Variants in MXD4 observed in about 807,000 individuals in gnomAD.
MXD4 encodes the protein MAX dimerization protein 4, also known as Mad4 homolog.
MXD4 carries 16 observed loss-of-function variants against 24.5 expected under a neutral mutation model. That is an observed-to-expected ratio of 0.65 (90% CI 0.44 to 0.99). The LOEUF is 0.99. Ranked by LOEUF, MXD4 falls within the 50% of genes least tolerant of loss-of-function variation. MXD4 has a pLI of 0.00. For missense variants in MXD4, 301 were observed against 301.5 expected (o/e 1.00, Z 0.01); for synonymous variants, 164 against 134.2 (o/e 1.22, Z -1.54).
intron 5 of MXD4, among the ~76,000 whole-genome samples, 182 bp downstream of exon 5, chr4:2,250,902 C>A (rs1432354868): frequency 6.6e-6 from 1 of 152,176 alleles, no homozygotes; most frequent in Non-Finnish European, 1.5e-5. Context: ...CACACAGCCT[C>A]TGCATCCCAC....
intron 4 of MXD4, 116 bp downstream of exon 4, chr4:2,252,292 A>G: frequency 1.2e-6 from 1 of 825,338 alleles, no homozygotes; most frequent in Non-Finnish European, 2.0e-6. Context: ...CTCCCCACCC[A>G]TCTTCAGGCC....
chr4:2,258,421 C>T (rs1735474584), intron 2 of MXD4, among the ~76,000 whole-genome samples: 1 of 152,174 alleles, frequency 6.6e-6, no homozygotes, highest in Non-Finnish European at 1.5e-5. Flanking sequence ...ACAGGAGGAC[C>T]TAGGCCCCCT....
intron 2 of MXD4, among the ~76,000 whole-genome samples, chr4:2,261,052 C>A (rs1735530831): frequency 1.3e-5 from 2 of 152,216 alleles, no homozygotes; most frequent in South Asian, 4.1e-4. Flanking sequence ...GGGGCCCCTG[C>A]CCTGCAGCCT....
chr4:2,255,528 A>G (rs1286770768), intron 3 of MXD4, among the ~76,000 whole-genome samples: 1 of 152,086 alleles, frequency 6.6e-6, no homozygotes, highest in East Asian at 1.9e-4. Context: ...GCGGGACCCC[A>G]GGAAGATCCC....
rs1488880359 is a variant in MXD4, at chr4:2,262,042, G to C, written c.-62C>G. ...GGCCGCTGCCCGGCCCGCTCCGGCC[G>C]GCTCCGCTCGCCGCCCACCCCGCGC... On this transcript the variant is annotated 5_prime_UTR_variant, in exon 1 of 6. Coordinates refer to ENST00000337190, the MANE Select transcript of MXD4 (RefSeq NM_006454.3). 1.1e-6 allele frequency: 1 copy of C among 939,266 alleles called. No individual in the cohort carries two copies. The highest frequency in any genetic ancestry group is 1.3e-6 in the Non-Finnish European group (1 of 782,410). The allele number at this position is 939,266 out of a possible 1,614,324, so 58.2% of individuals were successfully genotyped here.
chr4:2,256,392 C>G (rs769242026), intron 3 of MXD4, among the ~76,000 whole-genome samples: 1 of 152,190 alleles, frequency 6.6e-6, no homozygotes, highest in Non-Finnish European at 1.5e-5. Context: ...AGTAAGGGGA[C>G]AACTCCGGGC....
intron 3 of MXD4, among the ~76,000 whole-genome samples, chr4:2,256,577 C>T (rs1735435161): frequency 6.6e-6 from 1 of 152,166 alleles, no homozygotes; most frequent in African/African-American, 2.4e-5. Context: ...CTGTCCACAT[C>T]CGCCTCTTGG....
In MXD4 at chr4:2,249,807, A is replaced by G. The variant is rs1159122254; in HGVS notation, c.*737T>C. On this transcript the variant is annotated 3_prime_UTR_variant, in exon 6 of 6. Coordinates refer to ENST00000337190, the MANE Select transcript of MXD4 (RefSeq NM_006454.3). The stretch of plus-strand genomic sequence containing the variant: ...CCCTGAAGGCCATCATCCCCAGAAC[A>G]TGTGACCTCGGGACGCCCAGGTGTG... The G allele has an allele frequency of 6.6e-6, 1 of 152,396 alleles. No individual in the cohort carries two copies. The highest frequency in any genetic ancestry group is 2.4e-5 in the African/African-American group (1 of 41,418). The allele number at this position is 152,396 out of a possible 1,614,324, so 9.4% of individuals were successfully genotyped here. A position where few individuals can be genotyped will look rare whatever the true frequency, so the allele number is the denominator to read the frequency against.
Position 2,260,173 on chromosome 4 carries a change from T to A in MXD4, c.164+1552A>T, listed in dbSNP as rs777902702. ...CTCGGCCCAGAGGAGCCAGGGGAGA[T>A]GCACCAGAGTTGGGGAGCCCTCTGT... On this transcript the variant is annotated intron_variant, in intron 2 of 5. Transcript: ENST00000337190. 2.0e-5 allele frequency among the ~76,000 whole-genome samples: 3 copies of A among 152,286 alleles called. No individual in the cohort carries two copies. In the South Asian group the frequency reaches 6.2e-4, roughly 32 times the overall value.
At chr4:2,258,298 G>A (rs1164189166) in intron 2 of MXD4, among the ~76,000 whole-genome samples, 3 of 152,206 alleles carry the variant, frequency 2.0e-5, no homozygotes, top group Non-Finnish European at 2.9e-5. Context: ...TTGGTTTGGT[G>A]AGAAGCAGCA....
In MXD4 at chr4:2,251,393, G is replaced by T. The variant is rs540878577; in HGVS notation, c.310-147C>A. ...AAGGCTACAGGCCACAGGGTGCCCA[G>T]TCTCTGCCAGCCCCACAGCCTGAGG... On this transcript the variant is annotated intron_variant, in intron 4 of 5. Coordinates refer to ENST00000337190, the MANE Select transcript of MXD4 (RefSeq NM_006454.3). 7.7e-5 allele frequency: 79 copies of T among 1,023,938 alleles called. No homozygotes were observed. In the African/African-American group the frequency reaches 1.1e-3, roughly 14 times the overall value. 63.4% of individuals were successfully genotyped at this position (1,023,938 alleles called of 1,614,324 possible).
At chr4:2,255,839 CCGAGAGGGCAT>C (rs1334405116) in intron 3 of MXD4, among the ~76,000 whole-genome samples, 1 of 152,210 alleles carries the variant, frequency 6.6e-6, no homozygotes, top group Admixed American at 6.5e-5. Context: ...ACCCAGGGCA[CCGAGAGGGCAT>C]GGCTCCACGC....
rs924238631 is a variant in MXD4, at chr4:2,258,904, G to A, written c.165-893C>T. On this transcript the variant is annotated intron_variant, in intron 2 of 5. Transcript: ENST00000337190. Reference sequence around the variant, plus strand: ...GCTCACCTGTCTTGCCCATTCAGACGCGGGCACACAATTCCCAGCACCACA... The same window carrying A: ...GCTCACCTGTCTTGCCCATTCAGACACGGGCACACAATTCCCAGCACCACA... 9 of 455,982 alleles carry A rather than the reference G, an allele frequency of 2.0e-5. No homozygotes were observed. In the East Asian group the frequency reaches 2.8e-4, roughly 14 times the overall value. 28.2% of individuals were successfully genotyped at this position (455,982 alleles called of 1,614,324 possible).
intron 3 of MXD4, among the ~76,000 whole-genome samples, chr4:2,257,061 C>T (rs1735446190): frequency 6.6e-6 from 1 of 152,230 alleles, no homozygotes; most frequent in Non-Finnish European, 1.5e-5. Flanking sequence ...AGTGCAGTTC[C>T]TCAGAGAACA....
In MXD4 at chr4:2,249,575, C is replaced by G. The variant is rs1260301528; in HGVS notation, c.*969G>C. On this transcript the variant is annotated 3_prime_UTR_variant, in exon 6 of 6. Transcript: ENST00000337190. ...GGCTGCTGGGCAGTGCAGCATTTTA[C>G]TTTTTTGCTTTTTGTTTAAAAAAGG... 2 of 151,990 alleles carry G rather than the reference C, an allele frequency of 1.3e-5. No homozygotes were observed. Among genetic ancestry groups the G allele is most frequent in the East Asian group, 3.9e-4 (2 of 5,172 alleles). 9.4% of individuals were successfully genotyped at this position (151,990 alleles called of 1,614,324 possible).
chr4:2,258,001 T>G lies in MXD4; in HGVS notation c.175A>C (p.Asn59His). ...ACTTACCTGTGCTTTTCTAGCTCGT[T>G]GTGTGAAGACCTGTTTAGAAAGACA... ...RKAPNNRSSHNELEKHRRAKL... is the reference protein window; with the variant it reads ...RKAPNNRSSHHELEKHRRAKL... The change falls in exon 3 of 6, where the codon AAC (asparagine) becomes CAC (histidine). Residue 59 changes from asparagine to histidine, a missense_variant. Physicochemically the swap from Asn to His is moderately conservative, Grantham distance 68. Coordinates refer to ENST00000337190, the MANE Select transcript of MXD4 (RefSeq NM_006454.3). The G allele has an allele frequency of 6.2e-7, 1 of 1,613,706 alleles. No individual in the cohort carries two copies. The highest frequency in any genetic ancestry group is 8.5e-7 in the Non-Finnish European group (1 of 1,179,940).
At chr4:2,256,864 G>A (rs551966135) in intron 3 of MXD4, among the ~76,000 whole-genome samples, 45 of 147,722 alleles carry the variant, frequency 3.0e-4, no homozygotes, top group African/African-American at 9.1e-4. Context: ...CCCAGGGACC[G>A]CCTCCAGGAA....
At position 2,251,143 on chromosome 4, in the gene MXD4, A is replaced by G; in HGVS notation, c.413T>C (p.Val138Ala). ...CGTGCTATCTGTGCGCACGCGCTCC[A>G]CGCTCTGCACCGACAGCTGCTCCAG... ...RRLEQLSVQS[V>A]ERVRTDSTGS... Residue 138 changes from valine (V) to alanine (A), a missense_variant, in exon 5 of 6, where the codon GTG becomes GCG. By Grantham distance (64) the Val-to-Ala change is moderately conservative (BLOSUM62 0). Coordinates refer to ENST00000337190, the MANE Select transcript of MXD4 (RefSeq NM_006454.3). 4 of 1,600,806 alleles carry G rather than the reference A, an allele frequency of 2.5e-6. No homozygotes were observed. Among genetic ancestry groups the G allele is most frequent in the Non-Finnish European group, 3.4e-6 (4 of 1,173,730 alleles).
chr4:2,251,292 C>T (rs1376506724), intron 4 of MXD4, 46 bp from the exon 5 acceptor site: 2 of 1,510,748 alleles, frequency 1.3e-6, no homozygotes, highest in Admixed American at 2.0e-5. Context: ...AGAGGAGTCC[C>T]CCCATCCCCC....
Sources: allele counts gnomAD v4.1 joint callset (sites outside exome capture counted in the v4.1 genomes callset), GRCh38; gene constraint gnomAD v4.1.1; transcripts MANE v1.5; gene names NCBI Gene and HGNC (gene_info 2026-07-23, HGNC 2026-07-21).